RBFOX2: variants seen among roughly 807,000 people sequenced by gnomAD.
RBFOX2 encodes the protein RNA binding fox-1 homolog 2.
A neutral mutation model predicts 49.1 loss-of-function variants in RBFOX2; 10 were observed. That is an observed-to-expected ratio of 0.20 (90% confidence interval 0.13 to 0.35). The LOEUF (loss-of-function observed/expected upper bound fraction) is 0.35. Among genes scored for constraint, RBFOX2 ranks in the 10% least tolerant of loss-of-function variants. The pLI, the probability that RBFOX2 is intolerant of heterozygous loss-of-function variation, is 1.00. For synonymous variants in RBFOX2, 183 were observed against 187.4 expected (o/e 0.98, Z 0.19); for missense variants, 323 against 486.9 (o/e 0.66, Z 3.17).
intron 1 of RBFOX2, among the ~76,000 whole-genome samples, chr22:35,915,744 A>T (rs1335107225): frequency 6.6e-6 from 1 of 152,184 alleles, no homozygotes; most frequent in Admixed American, 6.5e-5. Flanking sequence ...AGTTCACCTT[A>T]ATACGGCACC....
chr22:35,877,883 T>G (rs189240983), intron 1 of RBFOX2, among the ~76,000 whole-genome samples: 165 of 152,220 alleles, frequency 1.1e-3, no homozygotes, highest in African/African-American at 3.8e-3. Flanking sequence ...TAAAAAAACC[T>G]CTAGAATTTG....
At chr22:35,964,857 G>A (rs965162988), upstream of RBFOX2, among the ~76,000 whole-genome samples, 1 of 152,054 alleles carries the variant, frequency 6.6e-6, no homozygotes, top group Non-Finnish European at 1.5e-5. Context: ...CGGAAATTAA[G>A]GCAAACAATC....
At chr22:36,008,530 A>G (rs2058699230) in intron 1 of RBFOX2, among the ~76,000 whole-genome samples, 1 of 152,184 alleles carries the variant, frequency 6.6e-6, no homozygotes, top group African/African-American at 2.4e-5. Context: ...TTAACAAAAA[A>G]TAGGGGCCAA....
chr22:36,019,817 C>T (rs2059173549), intron 1 of RBFOX2, among the ~76,000 whole-genome samples: 1 of 152,160 alleles, frequency 6.6e-6, no homozygotes, highest in Admixed American at 6.5e-5. Flanking sequence ...AATGGCCATA[C>T]TGCCCAAGGT....
intron 1 of RBFOX2, among the ~76,000 whole-genome samples, chr22:35,971,576 T>G (rs547597227): frequency 1.3e-5 from 2 of 152,210 alleles, no homozygotes; most frequent in South Asian, 4.1e-4. Context: ...TGTTTATATA[T>G]ACATATCTCC....
chr22:35,898,441 T>TC (rs1160651302), intron 1 of RBFOX2: 5 of 441,958 alleles, frequency 1.1e-5, no homozygotes, highest in African/African-American at 4.3e-5. Flanking sequence ...TTTTTTTTTT[T>TC]CTGAGACAGG....
At chr22:35,788,615 T>C (rs1050373019) in intron 2 of RBFOX2, among the ~76,000 whole-genome samples, 17 of 152,230 alleles carry the variant, frequency 1.1e-4, no homozygotes, top group African/African-American at 4.1e-4. Flanking sequence ...TGAAGATAAC[T>C]CTCAATTGTC....
At chr22:35,863,872 A>T (rs1569418812) in intron 1 of RBFOX2, among the ~76,000 whole-genome samples, 1 of 152,194 alleles carries the variant, frequency 6.6e-6, no homozygotes, top group Non-Finnish European at 1.5e-5. Flanking sequence ...CCCAAAGCGG[A>T]TTAGAAATCG....
intron 1 of RBFOX2, chr22:36,000,292 T>G (rs1011437910): frequency 1.3e-5 from 2 of 152,162 alleles, no homozygotes; most frequent in African/African-American, 4.8e-5. Context: ...TGAGCCACCG[T>G]GCCTGGCCCA....
chr22:35,740,987 T>G (rs1929660488), exon 12 of RBFOX2: 1 of 152,224 alleles, frequency 6.6e-6, no homozygotes, highest in Admixed American at 6.5e-5. Flanking sequence ...AGACTAAAAG[T>G]TGTGCCCCAG....
intron 1 of RBFOX2, among the ~76,000 whole-genome samples, chr22:36,016,474 GA>G (rs923143231): frequency 9.5e-5 from 14 of 148,134 alleles, no homozygotes; most frequent in East Asian, 3.9e-4. Flanking sequence ...AATGCAGCCA[GA>G]AAAAAAAAAT....
intron 1 of RBFOX2, among the ~76,000 whole-genome samples, chr22:36,022,851 T>C (rs1158512127): frequency 1.3e-5 from 2 of 152,140 alleles, no homozygotes; most frequent in African/African-American, 4.8e-5. Context: ...AGAAGACAGC[T>C]ATCCACAAGC....
chr22:36,018,472 C>T, intron 1 of RBFOX2, among the ~76,000 whole-genome samples: 1 of 152,114 alleles, frequency 6.6e-6, no homozygotes, highest in East Asian at 1.9e-4. Flanking sequence ...AACTATAAGC[C>T]ACTGGACATG....
intron 1 of RBFOX2, among the ~76,000 whole-genome samples, chr22:35,816,381 A>C (rs1246543689): frequency 6.6e-6 from 1 of 152,104 alleles, no homozygotes; most frequent in African/African-American, 2.4e-5. Context: ...TGCTTTTCTC[A>C]CCTCAAGAAA....
chr22:35,925,593 C>CTTTG (rs1569493183), intron 1 of RBFOX2, among the ~76,000 whole-genome samples: 1 of 152,076 alleles, frequency 6.6e-6, no homozygotes, highest in African/African-American at 2.4e-5. Context: ...AATGCACTAG[C>CTTTG]CAAAACCTCA....
chr22:35,821,741 T>G (rs1311563699), intron 1 of RBFOX2: 3 of 518,054 alleles, frequency 5.8e-6, no homozygotes, highest in Non-Finnish European at 1.2e-5. Context: ...TAGGGATTAC[T>G]GACTGCTCTG....
At chr22:35,830,418 T>C (rs987731911) in intron 1 of RBFOX2, among the ~76,000 whole-genome samples, 8 of 152,188 alleles carry the variant, frequency 5.3e-5, no homozygotes, top group Non-Finnish European at 8.8e-5. Flanking sequence ...GGGAGAAAAA[T>C]GCATCTGGCC....
At chr22:35,753,465 CT>C (rs902693606) in intron 9 of RBFOX2, among the ~76,000 whole-genome samples, 1 of 152,046 alleles carries the variant, frequency 6.6e-6, no homozygotes, top group Non-Finnish European at 1.5e-5. Flanking sequence ...AGTGACCAAC[CT>C]TTTTTTCTCT....
chr22:36,025,823 CT>C, intron 1 of RBFOX2, among the ~76,000 whole-genome samples: 1 of 151,792 alleles, frequency 6.6e-6, no homozygotes, highest in East Asian at 1.9e-4. Context: ...GGGAAATCAT[CT>C]TGTACACATA....
Sources: allele counts gnomAD v4.1 joint callset (sites outside exome capture counted in the v4.1 genomes callset), GRCh38; gene constraint gnomAD v4.1.1; transcripts MANE v1.5; gene names NCBI Gene and HGNC (gene_info 2026-07-23, HGNC 2026-07-21).